ESYT2: variants seen among roughly 807,000 people sequenced by gnomAD.
ESYT2 encodes extended synaptotagmin-2.
ESYT2 carries 54 observed loss-of-function variants against 107.2 expected under a neutral mutation model. That is an observed-to-expected ratio of 0.50 (90% CI 0.40 to 0.63). The LOEUF (loss-of-function observed/expected upper bound fraction) is 0.63, where lower values mean the gene tolerates loss of function less well. ESYT2 is among the 30% of genes least tolerant of loss of function. ESYT2 has a pLI of 0.00. For synonymous variants in ESYT2, 491 were observed against 434.1 expected, an observed-to-expected ratio of 1.13 and a Z score of -1.63; for missense variants, 1,020 against 1,094.5, an observed-to-expected ratio of 0.93 and a Z score of 0.96.
chr7:158,741,933 G>A, intron 17 of ESYT2, 37 bp from the exon 18 acceptor site: 1 of 1,540,196 alleles, frequency 6.5e-7, no homozygotes, highest in African/African-American at 1.4e-5. Context: ...TAAACTTGGT[G>A]ACACTGGTAA....
intron 21 of ESYT2, among the ~76,000 whole-genome samples, chr7:158,735,146 C>T (rs1020015739): frequency 6.6e-6 from 1 of 152,210 alleles, no homozygotes; most frequent in Admixed American, 6.5e-5. Flanking sequence ...TCCTAAATAA[C>T]ATACACTCAC....
intron 1 of ESYT2, among the ~76,000 whole-genome samples, chr7:158,820,236 TAAC>T: frequency 6.6e-6 from 1 of 152,318 alleles, no homozygotes; most frequent in East Asian, 1.9e-4. Flanking sequence ...AGAGAGATAT[TAAC>T]AAATGGATAA....
intron 6 of ESYT2, among the ~76,000 whole-genome samples, chr7:158,782,994 T>A (rs1838972902): frequency 6.6e-6 from 1 of 152,148 alleles, no homozygotes. Context: ...AGAAGGCGCC[T>A]TTGGAAAAGC....
At chr7:158,735,120 C>A (rs1836882663) in intron 21 of ESYT2, among the ~76,000 whole-genome samples, 1 of 152,218 alleles carries the variant, frequency 6.6e-6, no homozygotes, top group African/African-American at 2.4e-5. Context: ...TCCTCCCCAA[C>A]TGAACCTACT....
At chr7:158,789,921 A>G (rs900842085) in intron 4 of ESYT2, among the ~76,000 whole-genome samples, 1 of 152,226 alleles carries the variant, frequency 6.6e-6, no homozygotes, top group African/African-American at 2.4e-5. Context: ...CTGCACCTTC[A>G]AAATGGCATC....
At chr7:158,770,943 G>T (rs1838345289) in intron 7 of ESYT2, among the ~76,000 whole-genome samples, 1 of 152,008 alleles carries the variant, frequency 6.6e-6, no homozygotes, top group South Asian at 2.1e-4. Flanking sequence ...GAGCCCAGGG[G>T]GTTGACACCA....
chr7:158,776,321 T>C (rs905523197), intron 6 of ESYT2, among the ~76,000 whole-genome samples: 2 of 152,218 alleles, frequency 1.3e-5, no homozygotes, highest in Admixed American at 6.5e-5. Flanking sequence ...AGCCTTGAAG[T>C]CAGGCACTGA....
At chr7:158,736,138 G>A (rs954960410) in intron 20 of ESYT2, among the ~76,000 whole-genome samples, 1 of 151,504 alleles carries the variant, frequency 6.6e-6, no homozygotes, top group East Asian at 2.0e-4. Context: ...CGGGCTGCGG[G>A]TGCCTGCCCC....
chr7:158,780,580 G>T (rs559669717), intron 6 of ESYT2, among the ~76,000 whole-genome samples: 3 of 152,346 alleles, frequency 2.0e-5, no homozygotes, highest in African/African-American at 7.2e-5. Flanking sequence ...ATCAACGATG[G>T]AGTATTAAAA....
At chr7:158,738,344 GACACACACACAC>G (rs199580275) in intron 19 of ESYT2, among the ~76,000 whole-genome samples, 27 of 131,344 alleles carry the variant, frequency 2.1e-4, no homozygotes, top group South Asian at 1.0e-3. Context: ...CACACACACA[GACACACACACAC>G]ACACACACAC....
chr7:158,799,011 T>C lies in ESYT2; in HGVS notation c.372+20A>G, dbSNP rs370165635. ...CTCCAATTCCACTGATGGATGGTAG[T>C]TGGTATACTCTAATCTTACCTTATT... On this transcript the variant is annotated intron_variant, in intron 2 of 22. Coordinates refer to ENST00000275418, the MANE Select transcript of ESYT2 (RefSeq NM_001367773.1). 6 of 1,605,132 alleles carry C rather than the reference T, an allele frequency of 3.7e-6. No homozygotes were observed. The highest frequency in any genetic ancestry group is 2.7e-5 in the African/African-American group (2 of 74,664).
intron 1 of ESYT2, among the ~76,000 whole-genome samples, chr7:158,808,806 TAA>T (rs56268365): frequency 2.9e-3 from 395 of 138,188 alleles, no homozygotes; most frequent in Middle Eastern, 3.6e-3. Flanking sequence ...CCATCTCTAC[TAA>T]AAAAAAAAAA....
intron 3 of ESYT2, among the ~76,000 whole-genome samples, chr7:158,797,042 C>A (rs375684782): frequency 3.9e-4 from 1 of 2,562 alleles, no homozygotes; most frequent in Non-Finnish European, 1.8e-3. Flanking sequence ...GGCAGCAGGA[C>A]AGCCTCCCGA....
intron 1 of ESYT2, among the ~76,000 whole-genome samples, chr7:158,819,564 C>A (rs1840235879): frequency 6.6e-6 from 1 of 152,150 alleles, no homozygotes; most frequent in Admixed American, 6.5e-5. Flanking sequence ...ACTATACACA[C>A]CCATATATCC....
chr7:158,782,411 CGA>C (rs1289815615), intron 6 of ESYT2, among the ~76,000 whole-genome samples: 2 of 143,996 alleles, frequency 1.4e-5, no homozygotes, highest in African/African-American at 2.6e-5. Flanking sequence ...AGTGAGTGAA[CGA>C]GTGTGAGAAC....
chr7:158,822,903 A>G (rs1206215028), intron 1 of ESYT2, among the ~76,000 whole-genome samples: 1 of 152,214 alleles, frequency 6.6e-6, no homozygotes, highest in Non-Finnish European at 1.5e-5. Flanking sequence ...AGTTAGAACA[A>G]TATTCCTTAA....
intron 13 of ESYT2, among the ~76,000 whole-genome samples, chr7:158,753,515 C>G (rs529126060): frequency 6.6e-6 from 1 of 151,584 alleles, no homozygotes; most frequent in South Asian, 2.1e-4. Context: ...CAAGCTCCTT[C>G]TAGGACTAGT....
intron 6 of ESYT2, among the ~76,000 whole-genome samples, chr7:158,782,739 CT>C (rs1364883503): frequency 6.6e-6 from 1 of 151,830 alleles, no homozygotes; most frequent in Non-Finnish European, 1.5e-5. Context: ...AGTATGGAAG[CT>C]CAAGCATGTG....
chr7:158,743,405 G>A, intron 17 of ESYT2, 124 bp downstream of exon 17: 1 of 1,276,224 alleles, frequency 7.8e-7, no homozygotes, highest in East Asian at 2.7e-5. Flanking sequence ...GCGCCCTCCT[G>A]CGGCCCAGAG....
Sources: allele counts gnomAD v4.1 joint callset (sites outside exome capture counted in the v4.1 genomes callset), GRCh38; gene constraint gnomAD v4.1.1; transcripts MANE v1.5; gene names NCBI Gene and HGNC (gene_info 2026-07-23, HGNC 2026-07-21).